Variants in SH3GLB1 observed in about 807,000 individuals in gnomAD.
SH3GLB1 encodes SH3 domain containing GRB2 like, endophilin B1, also known as endophilin-B1.
In SH3GLB1, 17 loss-of-function variants were observed where a neutral mutation model predicts 42.0. That is an observed-to-expected ratio of 0.40 (90% CI 0.28 to 0.61). The LOEUF is 0.61. Among genes scored for constraint, SH3GLB1 ranks in the 20% least tolerant of loss-of-function variants. The probability of loss-of-function intolerance (pLI) is 0.36; values close to 1 mark genes in which losing one functional copy is unlikely to be tolerated. For synonymous variants in SH3GLB1, 132 were observed against 146.6 expected, an observed-to-expected ratio of 0.90 and a Z score of 0.72; for missense variants, 355 against 426.3, an observed-to-expected ratio of 0.83 and a Z score of 1.47.
chr1:86,722,811 C>T, intron 4 of SH3GLB1, 138 bp downstream of exon 4: 2 of 638,826 alleles, frequency 3.1e-6, no homozygotes, highest in Non-Finnish European at 4.9e-6. Flanking sequence ...GCATGTTCAC[C>T]AGAACACAAA....
At chr1:86,730,501 T>A (rs979657850) in intron 5 of SH3GLB1, 5 of 612,604 alleles carry the variant, frequency 8.2e-6, no homozygotes, top group Non-Finnish European at 1.0e-5. Flanking sequence ...TTCGCACAAA[T>A]GAATTTTTTT....
At chr1:86,729,955 TTAATC>T (rs1254873884) in intron 5 of SH3GLB1, 2 of 851,562 alleles carry the variant, frequency 2.3e-6, no homozygotes, top group Non-Finnish European at 3.6e-6. Flanking sequence ...ACTACTGTGT[TTAATC>T]TATAAATATG....
At chr1:86,706,285 A>G (rs1653862725) in intron 1 of SH3GLB1, among the ~76,000 whole-genome samples, 1 of 152,238 alleles carries the variant, frequency 6.6e-6, no homozygotes, top group South Asian at 2.1e-4. Context: ...CTAGAATAAT[A>G]GAATGCTGTG....
chr1:86,729,020 G>A (rs1421531258), intron 5 of SH3GLB1, among the ~76,000 whole-genome samples: 1 of 152,122 alleles, frequency 6.6e-6, no homozygotes, highest in Non-Finnish European at 1.5e-5. Flanking sequence ...TTGGTGGAAT[G>A]GTGATAGCCT....
chr1:86,741,940 T>G (rs1367927946), intron 7 of SH3GLB1, among the ~76,000 whole-genome samples: 1 of 152,154 alleles, frequency 6.6e-6, no homozygotes, highest in Non-Finnish European at 1.5e-5. Flanking sequence ...GAAAAAAGTA[T>G]AGCCATTAAT....
chr1:86,715,496 G>T (rs1654468074), intron 1 of SH3GLB1, among the ~76,000 whole-genome samples: 3 of 152,098 alleles, frequency 2.0e-5, no homozygotes, highest in Admixed American at 1.3e-4. Flanking sequence ...CATTTTAGCA[G>T]AACTAAGGGT....
chr1:86,736,777 C>G (rs1461013674), intron 7 of SH3GLB1, among the ~76,000 whole-genome samples: 1 of 152,180 alleles, frequency 6.6e-6, no homozygotes, highest in Non-Finnish European at 1.5e-5. Context: ...TGTCTCTCCA[C>G]CCTCAATTAT....
intron 5 of SH3GLB1, chr1:86,728,291 AT>A (rs755870079): frequency 3.2e-5 from 15 of 468,798 alleles, no homozygotes; most frequent in Non-Finnish European, 4.8e-5. Context: ...ATAGAAAAAA[AT>A]ATTTGATTGG....
intron 1 of SH3GLB1, among the ~76,000 whole-genome samples, chr1:86,710,681 C>T (rs1178299318): frequency 6.6e-6 from 1 of 152,152 alleles, no homozygotes; most frequent in East Asian, 1.9e-4. Context: ...TGATCAAACA[C>T]CTAAGTCAAT....
Position 86,730,153 on chromosome 1 carries a change from A to G in SH3GLB1, c.571-4449A>G, listed in dbSNP as rs778945790. 31 of 1,565,906 alleles carry G rather than the reference A, an allele frequency of 2.0e-5. No homozygotes were observed. In the Admixed American group the frequency reaches 5.6e-4, roughly 28 times the overall value. Reference sequence around the variant, plus strand: ...ATACAGAACTATGAAACAAGAATTTAGTTGACGTTGATTCAGTAAATATGT... The same window carrying G: ...ATACAGAACTATGAAACAAGAATTTGGTTGACGTTGATTCAGTAAATATGT... On this transcript the variant is annotated intron_variant, in intron 5 of 8. Transcript: ENST00000370558.
intron 1 of SH3GLB1, among the ~76,000 whole-genome samples, chr1:86,705,813 A>G (rs759293749): frequency 1.3e-5 from 2 of 152,244 alleles, no homozygotes; most frequent in East Asian, 1.9e-4. Context: ...AAATTTCACA[A>G]CATGAATTAT....
intron 1 of SH3GLB1, among the ~76,000 whole-genome samples, chr1:86,711,589 A>C (rs1654212659): frequency 6.6e-6 from 1 of 152,132 alleles, no homozygotes; most frequent in African/African-American, 2.4e-5. Context: ...CCATCTATTC[A>C]TTAAAAGATA....
At chr1:86,715,958 G>C in intron 2 of SH3GLB1, 93 bp downstream of exon 2, 1 of 1,353,382 alleles carries the variant, frequency 7.4e-7, no homozygotes, top group South Asian at 1.4e-5. Context: ...GAAAACATAG[G>C]ATTTTTTTAT....
At chr1:86,727,707 G>A (rs1020649422) in intron 5 of SH3GLB1, among the ~76,000 whole-genome samples, 4 of 151,934 alleles carry the variant, frequency 2.6e-5, no homozygotes, top group Admixed American at 2.0e-4. Context: ...TTATTTTACA[G>A]TTTTAGTAAT....
chr1:86,719,772 G>T lies in SH3GLB1; in HGVS notation c.343+137G>T, dbSNP rs112558886. ...GCACTTTGGGTGGTTGAGGTGGGCG[G>T]ATCATGAGGTCAGGAGATCGAGACT... On this transcript the variant is annotated intron_variant, in intron 3 of 8. Transcript: ENST00000370558. The T allele has an allele frequency of 2.2e-3, 1,485 of 683,626 alleles. 20 individuals are homozygous for T. In the African/African-American group the frequency reaches 0.025, roughly 12 times the overall value. 42.3% of individuals were successfully genotyped at this position (683,626 alleles called of 1,614,324 possible). A position where few individuals can be genotyped will look rare whatever the true frequency, so the allele number is the denominator to read the frequency against.
chr1:86,734,626 C>A lies in SH3GLB1; in HGVS notation c.595C>A (p.Gln199Lys). 1 of 1,612,888 alleles carries A rather than the reference C, an allele frequency of 6.2e-7. No homozygotes were observed. The highest frequency in any genetic ancestry group is 1.1e-5 in the South Asian group (1 of 91,016). ...GTCTGAACAGGAATTAAGAATAACT[C>A]AAAGTGAATTTGATCGTCAAGCAGA... ...NSSEQELRIT[Q>K]SEFDRQAEIT... The change falls in exon 6 of 9, where the codon CAA (glutamine) becomes AAA (lysine). Residue 199 changes from glutamine (Q) to lysine (K), a missense_variant. Coordinates refer to ENST00000370558, the MANE Select transcript of SH3GLB1 (RefSeq NM_016009.5).
intron 2 of SH3GLB1, 149 bp from the exon 3 acceptor site, chr1:86,719,358 A>G: frequency 2.5e-6 from 1 of 400,172 alleles, no homozygotes. Flanking sequence ...ATAGTCTAAC[A>G]TAAAATTTAA....
At chr1:86,710,573 A>C (rs1482004633) in intron 1 of SH3GLB1, among the ~76,000 whole-genome samples, 1 of 152,186 alleles carries the variant, frequency 6.6e-6, no homozygotes, top group Non-Finnish European at 1.5e-5. Flanking sequence ...CCTTTCTTGA[A>C]AGTATTTTTA....
chr1:86,722,391 C>A (rs1008584162), intron 3 of SH3GLB1, 149 bp from the exon 4 acceptor site: 18 of 599,948 alleles, frequency 3.0e-5, no homozygotes, highest in Non-Finnish European at 4.8e-5. Flanking sequence ...AATAAAACTA[C>A]CTTAATTACA....
Sources: gnomAD v4.1 joint callset for allele counts (sites outside exome capture counted in the v4.1 genomes callset) on GRCh38, gnomAD v4.1.1 for gene constraint, MANE v1.5 for transcripts, NCBI Gene and HGNC (gene_info 2026-07-23, HGNC 2026-07-21) for gene names.